The following MAP2K5 variants were observed in gnomAD, a reference collection of about 807,000 sequenced individuals.
The protein encoded by MAP2K5 is mitogen-activated protein kinase kinase 5, also known as dual specificity mitogen-activated protein kinase kinase 5.
In MAP2K5, 49 loss-of-function variants were observed where a neutral mutation model predicts 83.1. The observed-to-expected ratio is 0.59, with a 90% CI of 0.47 to 0.75. The LOEUF (loss-of-function observed/expected upper bound fraction) is 0.75. Ranked by LOEUF, MAP2K5 falls within the 30% of genes least tolerant of loss-of-function variation. MAP2K5 has a pLI of 0.00. For synonymous variants in MAP2K5, 202 were observed against 191.8 expected (o/e 1.05, Z -0.44); for missense variants, 457 against 557.5 (o/e 0.82, Z 1.82).
At chr15:67,580,519 T>C (rs1567286786) in intron 3 of MAP2K5, among the ~76,000 whole-genome samples, 1 of 144,396 alleles carries the variant, frequency 6.9e-6, no homozygotes, top group Admixed American at 7.5e-5. Context: ...ATATAAAGTC[T>C]TAATCAACAC....
In MAP2K5 at chr15:67,640,197, A is replaced by T. The variant is rs139178321; in HGVS notation, c.586-6034A>T. Among the ~76,000 whole-genome samples the T allele has an allele frequency of 1.8e-4, 28 of 152,210 alleles. No individual in the cohort carries two copies. The highest frequency in any genetic ancestry group is 3.4e-4 in the Non-Finnish European group (23 of 68,030). On this transcript the variant is annotated intron_variant, in intron 9 of 21. Transcript: ENST00000178640. This position sits in a 1 kb window ranked among gnomAD's most constrained non-coding sequence, Gnocchi z 4.6. ...ATTACACATAACGAGTAAGTGTTCA[A>T]TACATAATTTGTTGAGTGACTGAGT... is the stretch of plus-strand genomic sequence containing the variant.
chr15:67,550,726 GT>G (rs1168262432), intron 2 of MAP2K5, among the ~76,000 whole-genome samples: 26 of 144,266 alleles, frequency 1.8e-4, no homozygotes, highest in East Asian at 8.0e-4. Context: ...AAGAACTGTA[GT>G]TTTTTTTTTT....
intron 13 of MAP2K5, among the ~76,000 whole-genome samples, chr15:67,684,091 T>C (rs1227851084): frequency 1.3e-5 from 2 of 152,170 alleles, no homozygotes; most frequent in Non-Finnish European, 2.9e-5. Context: ...GGCAAGAACA[T>C]GCAGAGAAAG....
At chr15:67,623,053 G>C (rs2086224279) in intron 8 of MAP2K5, among the ~76,000 whole-genome samples, 1 of 152,192 alleles carries the variant, frequency 6.6e-6, no homozygotes, top group African/African-American at 2.4e-5. Context: ...AGTGAGCCAA[G>C]ATCATGCCAC....
In MAP2K5 at chr15:67,708,385, T is replaced by C. The variant is rs1415538630; in HGVS notation, c.1044+4977T>C. Among the ~76,000 whole-genome samples the C allele has an allele frequency of 6.6e-6, 1 of 151,996 alleles. No individual in the cohort carries two copies. The highest frequency in any genetic ancestry group is 1.5e-5 in the Non-Finnish European group (1 of 67,996). ...GAGAGTTTTCTGTCTCCTTTACATC[T>C]CCCTAGCACCCTTTCCTCCAGTTCC... On this transcript the variant is annotated intron_variant, in intron 16 of 21. Transcript: ENST00000178640. The surrounding 1 kb of genome is among the most constrained non-coding windows in gnomAD (Gnocchi z 4.9).
chr15:67,658,624 T>C lies in MAP2K5; in HGVS notation c.798+10T>C. ...AAGAATTGCAGTAGCAGTAAGTATA[T>C]GGCTTCAGTGTTAGGAAATTTGAGT... is the stretch of plus-strand genomic sequence containing the variant. On this transcript the variant is annotated intron_variant, in intron 12 of 21. Transcript: ENST00000178640. The C allele has an allele frequency of 6.2e-7, 1 of 1,604,216 alleles. No individual in the cohort carries two copies.
chr15:67,570,414 A>G (rs949782196), intron 3 of MAP2K5, among the ~76,000 whole-genome samples: 1 of 152,218 alleles, frequency 6.6e-6, no homozygotes, highest in Non-Finnish European at 1.5e-5. Flanking sequence ...ACCCTCGGTC[A>G]AGTCTTTTAA....
chr15:67,625,159 C>G (rs2086288659), intron 8 of MAP2K5, among the ~76,000 whole-genome samples: 1 of 151,902 alleles, frequency 6.6e-6, no homozygotes, highest in African/African-American at 2.4e-5. Flanking sequence ...ACTTCTTTGT[C>G]TGGTCATCTA....
chr15:67,568,015 A>G (rs2084875891), intron 3 of MAP2K5, among the ~76,000 whole-genome samples: 1 of 152,200 alleles, frequency 6.6e-6, no homozygotes, highest in African/African-American at 2.4e-5. Context: ...TGTTTCTGCT[A>G]AATCCTGTGT....
intron 8 of MAP2K5, among the ~76,000 whole-genome samples, chr15:67,613,808 TA>T (rs1349223584): frequency 6.6e-6 from 1 of 151,916 alleles, no homozygotes; most frequent in African/African-American, 2.4e-5. Flanking sequence ...ATTTTTGTCA[TA>T]GGGGACATAT....
intron 21 of MAP2K5, among the ~76,000 whole-genome samples, chr15:67,788,503 G>C (rs1324908463): frequency 1.3e-5 from 2 of 152,196 alleles, no homozygotes; most frequent in African/African-American, 4.8e-5. Flanking sequence ...GGAAACTTTA[G>C]TACCCACTGC....
chr15:67,724,821 C>G lies in MAP2K5; in HGVS notation c.1045-3095C>G, dbSNP rs2089053597. ...CTTTCAGTGCCAGCCTAATAGTGCA[C>G]TTGCCAGTTTTCACTGGCATAGATT... On this transcript the variant is annotated intron_variant, in intron 16 of 21. Transcript: ENST00000178640. This position sits in a 1 kb window ranked among gnomAD's most constrained non-coding sequence, Gnocchi z 4.4. Among the ~76,000 whole-genome samples the G allele has an allele frequency of 6.6e-6, 1 of 152,238 alleles. No individual in the cohort carries two copies. The highest frequency in any genetic ancestry group is 6.5e-5 in the Admixed American group (1 of 15,286).
chr15:67,569,977 G>T (rs12916707), intron 3 of MAP2K5, among the ~76,000 whole-genome samples: 2 of 152,230 alleles, frequency 1.3e-5, no homozygotes, highest in African/African-American at 4.8e-5. Flanking sequence ...AGGAATAGCA[G>T]AATTGCTACA....
chr15:67,786,099 G>A lies in MAP2K5; in HGVS notation c.1242+13347G>A, dbSNP rs1055457836. 1.1e-4 allele frequency among the ~76,000 whole-genome samples: 17 copies of A among 152,112 alleles called. No homozygotes were observed. The highest frequency in any genetic ancestry group is 2.4e-4 in the African/African-American group (10 of 41,480). On this transcript the variant is annotated intron_variant, in intron 21 of 21. Coordinates refer to ENST00000178640, the MANE Select transcript of MAP2K5 (RefSeq NM_145160.3). This position sits in a 1 kb window ranked among gnomAD's most constrained non-coding sequence, Gnocchi z 4.7. ...GAAGTGCGAGACATACATGGGGCAC[G>A]AGGTCATTCAGCCTCTTTGGGTCAT...
Position 67,777,013 on chromosome 15 carries a change from CAG to C in MAP2K5, c.1242+4262_1242+4263del, listed in dbSNP as rs1566960958. On this transcript the variant is annotated intron_variant, in intron 21 of 21. Coordinates refer to ENST00000178640, the MANE Select transcript of MAP2K5 (RefSeq NM_145160.3). This position sits in a 1 kb window ranked among gnomAD's most constrained non-coding sequence, Gnocchi z 6.0. Reference sequence around the variant, plus strand: ...GGAGATGTTTCTTTTCATCCAAAAACAGGAATTCATGACTGCTACATTTTTCA... The same window carrying C: ...GGAGATGTTTCTTTTCATCCAAAAACGAATTCATGACTGCTACATTTTTCA... Among the ~76,000 whole-genome samples the C allele has an allele frequency of 6.6e-6, 1 of 152,204 alleles. No individual in the cohort carries two copies. Among genetic ancestry groups the C allele is most frequent in the African/African-American group, 2.4e-5 (1 of 41,450 alleles).
chr15:67,651,092 C>T lies in MAP2K5; in HGVS notation c.736+4623C>T, dbSNP rs1184247529. 2.0e-5 allele frequency among the ~76,000 whole-genome samples: 3 copies of T among 152,250 alleles called. No individual in the cohort carries two copies. In the East Asian group the frequency reaches 5.8e-4, roughly 29 times the overall value. ...AATTAGCTGGGCATGGTGGCACATG[C>T]CTGTAATCCCAGCTACTTGAGAGGC... is the stretch of plus-strand genomic sequence containing the variant. On this transcript the variant is annotated intron_variant, in intron 11 of 21. Transcript: ENST00000178640.
At chr15:67,608,122 C>T (rs947849191) in intron 8 of MAP2K5, among the ~76,000 whole-genome samples, 20 of 152,160 alleles carry the variant, frequency 1.3e-4, no homozygotes, top group Admixed American at 8.5e-4. Flanking sequence ...ATTACATTAG[C>T]GCACTTCTGT....
intron 19 of MAP2K5, among the ~76,000 whole-genome samples, chr15:67,763,962 A>G (rs980772791): frequency 3.9e-5 from 6 of 152,160 alleles, no homozygotes; most frequent in Admixed American, 3.3e-4. Context: ...GAATTAAAAG[A>G]TTTACTTTTA....
chr15:67,597,789 G>C (rs1325454745), intron 7 of MAP2K5, among the ~76,000 whole-genome samples: 1 of 152,046 alleles, frequency 6.6e-6, no homozygotes, highest in Non-Finnish European at 1.5e-5. Flanking sequence ...CAATTCTTGG[G>C]CTCTGCTTTG....
Sources: allele counts gnomAD v4.1 joint callset (sites outside exome capture counted in the v4.1 genomes callset), GRCh38; gene constraint gnomAD v4.1.1; non-coding constraint Gnocchi (gnomAD v3.1); transcripts MANE v1.5; gene names NCBI Gene and HGNC (gene_info 2026-07-23, HGNC 2026-07-21).